KCNK10: variants seen among roughly 807,000 people sequenced by gnomAD.
The protein encoded by KCNK10 is potassium two pore domain channel subfamily K member 10.
Under a neutral mutation model 47.7 loss-of-function variants are expected in KCNK10, and 25 were observed. The observed-to-expected ratio is 0.52, with a 90% CI of 0.38 to 0.73. The LOEUF is 0.73. KCNK10 is among the 30% of genes least tolerant of loss of function. The pLI, the probability that KCNK10 is intolerant of heterozygous loss-of-function variation, is 0.00. For missense variants in KCNK10, 563 were observed against 714.5 expected, an observed-to-expected ratio of 0.79 and a Z score of 2.42; for synonymous variants, 303 against 285.6, an observed-to-expected ratio of 1.06 and a Z score of -0.61.
chr14:88,211,931 T>C (rs1006626295), intron 4 of KCNK10, among the ~76,000 whole-genome samples: 1 of 150,674 alleles, frequency 6.6e-6, no homozygotes, highest in African/African-American at 2.4e-5. Context: ...ACAATGACTA[T>C]GGCCAGGATG....
chr14:88,265,289 T>C (rs1887222404), intron 1 of KCNK10, among the ~76,000 whole-genome samples: 1 of 151,972 alleles, frequency 6.6e-6, no homozygotes, highest in Non-Finnish European at 1.5e-5. Flanking sequence ...TTGGATTATA[T>C]GGTTGGGCTC....
At chr14:88,187,826 T>C (rs1032796705) in intron 6 of KCNK10, 141 bp downstream of exon 6, 3 of 745,562 alleles carry the variant, frequency 4.0e-6, no homozygotes, top group Admixed American at 2.3e-5. Context: ...TGATTCAACA[T>C]GAGGAAGCCT....
rs111339653 is a variant in KCNK10, at chr14:88,201,094, C to G, written c.682-8684G>C. 6.8e-3 allele frequency among the ~76,000 whole-genome samples: 1,043 copies of G among 152,310 alleles called. 20 individuals carry two copies. The highest frequency in any genetic ancestry group is 0.023 in the African/African-American group (958 of 41,558). ...AGGAGGCTAGGGAGGTGCCAATGAA[C>G]TTGGACTTCACATACATTGGCTGTT... is the stretch of plus-strand genomic sequence containing the variant. On this transcript the variant is annotated intron_variant, in intron 4 of 6. Transcript: ENST00000319231.
At chr14:88,283,531 G>A (rs1887697747) in intron 1 of KCNK10, among the ~76,000 whole-genome samples, 1 of 152,190 alleles carries the variant, frequency 6.6e-6, no homozygotes, top group Admixed American at 6.5e-5. Context: ...ATATGTCAGA[G>A]GTGTGGGTTT....
chr14:88,191,858 A>T (rs1884758558), intron 5 of KCNK10, among the ~76,000 whole-genome samples: 1 of 152,188 alleles, frequency 6.6e-6, no homozygotes, highest in Non-Finnish European at 1.5e-5. Context: ...TGCTAATCTC[A>T]TCTGAGTTTC....
At chr14:88,310,621 C>G (rs189857000) in intron 1 of KCNK10, among the ~76,000 whole-genome samples, 48 of 152,244 alleles carry the variant, frequency 3.2e-4, no homozygotes, top group African/African-American at 1.1e-3. Context: ...CATTCACGCT[C>G]CTATAGAAAC....
chr14:88,208,231 A>G (rs1017585067), intron 4 of KCNK10, among the ~76,000 whole-genome samples: 2 of 152,226 alleles, frequency 1.3e-5, no homozygotes, highest in African/African-American at 4.8e-5. Flanking sequence ...AAGGCACATG[A>G]TCATTTTTTA....
chr14:88,248,366 C>T (rs899804331), intron 2 of KCNK10, among the ~76,000 whole-genome samples: 1 of 152,082 alleles, frequency 6.6e-6, no homozygotes, highest in Non-Finnish European at 1.5e-5. Flanking sequence ...TGCTATCTTG[C>T]TTTTATTGTA....
Position 88,233,509 on chromosome 14 carries a change from C to T in KCNK10, c.521-5974G>A, listed in dbSNP as rs112650048. Among the ~76,000 whole-genome samples, 1,353 of 152,208 alleles carry T rather than the reference C, an allele frequency of 8.9e-3. 23 individuals carry two copies. The highest frequency in any genetic ancestry group is 0.03 in the African/African-American group (1,258 of 41,528). ...TGATTGTTCACCTGAGGCCTGGGGA[C>T]AAAGCATGGGGAAGGGAACCACTGG... On this transcript the variant is annotated intron_variant, in intron 3 of 6. Transcript: ENST00000319231.
In KCNK10 at chr14:88,322,408, GAC is replaced by G. The variant is rs35179933; in HGVS notation, c.52+337_52+338del. On this transcript the variant is annotated intron_variant, in intron 1 of 6. Coordinates refer to ENST00000319231, the MANE Select transcript of KCNK10 (RefSeq NM_138317.3). The surrounding 1 kb of genome is among the most constrained non-coding windows in gnomAD (Gnocchi z 4.8). Reference sequence around the variant, plus strand: ...GAGACAAAGATCACCAGAAACAAAGGACACACACACACACACACACACACACA... The same window carrying G: ...GAGACAAAGATCACCAGAAACAAAGGACACACACACACACACACACACACA... Among the ~76,000 whole-genome samples the G allele has an allele frequency of 0.11, 15,777 of 150,026 alleles. 875 individuals are homozygous for G. The highest frequency in any genetic ancestry group is 0.13 in the Middle Eastern group (37 of 288).
intron 4 of KCNK10, among the ~76,000 whole-genome samples, chr14:88,193,943 T>C (rs1432718593): frequency 6.6e-6 from 1 of 152,136 alleles, no homozygotes; most frequent in African/African-American, 2.4e-5. Context: ...GAAGGAAGAC[T>C]GAGAATAAAA....
intron 1 of KCNK10, among the ~76,000 whole-genome samples, chr14:88,302,005 G>C (rs115432574): frequency 6.6e-6 from 1 of 152,192 alleles, no homozygotes; most frequent in African/African-American, 2.4e-5. Flanking sequence ...AGGAAGATGC[G>C]TGGAATGAGG....
intron 4 of KCNK10, among the ~76,000 whole-genome samples, chr14:88,208,621 CT>C (rs932864113): frequency 4.6e-5 from 7 of 151,304 alleles, no homozygotes; most frequent in African/African-American, 1.2e-4. Context: ...TTGATACTTG[CT>C]TTTTTTTTGT....
upstream of KCNK10, among the ~76,000 whole-genome samples, chr14:88,325,354 T>C (rs1002785126): frequency 4.1e-4 from 62 of 152,184 alleles, no homozygotes; most frequent in South Asian, 2.1e-4. Flanking sequence ...TCCTGAGTCC[T>C]CAGAGCACGG....
chr14:88,289,337 A>G (rs950129441), intron 1 of KCNK10, among the ~76,000 whole-genome samples: 1 of 152,204 alleles, frequency 6.6e-6, no homozygotes, highest in Non-Finnish European at 1.5e-5. Context: ...ACAGTTCCTC[A>G]GGCTGAAGCA....
intron 1 of KCNK10, chr14:88,270,648 TG>T: frequency 1.3e-6 from 1 of 775,280 alleles, no homozygotes. Context: ...CAAGGCAGAC[TG>T]GGGGGAAGAG....
intron 6 of KCNK10, 138 bp downstream of exon 6, chr14:88,187,829 G>A: frequency 5.3e-6 from 4 of 754,190 alleles, no homozygotes; most frequent in Non-Finnish European, 8.9e-6. Context: ...TTCAACATGA[G>A]GAAGCCTATG....
At chr14:88,192,002 T>G (rs888064599) in intron 5 of KCNK10, among the ~76,000 whole-genome samples, 1 of 152,196 alleles carries the variant, frequency 6.6e-6, no homozygotes, top group Non-Finnish European at 1.5e-5. Context: ...ATAAGCATCC[T>G]GAGAAGGAAA....
chr14:88,256,601 G>C (rs542629465), intron 2 of KCNK10, among the ~76,000 whole-genome samples: 11 of 152,224 alleles, frequency 7.2e-5, no homozygotes, highest in Admixed American at 7.2e-4. Flanking sequence ...ATCATGGTGT[G>C]AGCAGCCCAG....
Sources: allele counts gnomAD v4.1 joint callset (sites outside exome capture counted in the v4.1 genomes callset), GRCh38; gene constraint gnomAD v4.1.1; non-coding constraint Gnocchi (gnomAD v3.1); transcripts MANE v1.5; gene names NCBI Gene and HGNC (gene_info 2026-07-23, HGNC 2026-07-21).